CNTROB: variants seen among roughly 807,000 people sequenced by gnomAD.
The protein encoded by CNTROB is centrobin, centriole duplication and spindle assembly protein, also known as centrobin.
A neutral mutation model predicts 115.7 loss-of-function variants in CNTROB; 82 were observed. That is an observed-to-expected ratio of 0.71 (90% confidence interval 0.59 to 0.85). The LOEUF (loss-of-function observed/expected upper bound fraction) is 0.85. Among genes scored for constraint, CNTROB ranks in the 40% least tolerant of loss-of-function variants. The pLI, the probability that CNTROB is intolerant of heterozygous loss-of-function variation, is 0.00. For synonymous variants in CNTROB, 439 were observed against 456.4 expected (o/e 0.96, Z 0.49); for missense variants, 1,014 against 1,144.4 (o/e 0.89, Z 1.64).
At chr17:7,942,545 C>T (rs1314417807) in intron 9 of CNTROB, among the ~76,000 whole-genome samples, 4 of 134,840 alleles carry the variant, frequency 3.0e-5, no homozygotes, top group African/African-American at 8.4e-5. Context: ...TGCAGTGAGC[C>T]GAGATCGCGC....
At position 7,948,654 on chromosome 17, in the gene CNTROB, G is replaced by A. The variant is rs775258835; in HGVS notation, c.2513+35G>A. On this transcript the variant is annotated intron_variant, in intron 17 of 18. Coordinates refer to ENST00000563694, the MANE Select transcript of CNTROB (RefSeq NM_053051.5). The surrounding 1 kb of genome is among the most constrained non-coding windows in gnomAD (Gnocchi z 4.4). The stretch of plus-strand genomic sequence containing the variant: ...TGGGAGGAAGGAGGAAGGATTCTCC[G>A]GGTGGAAGCTGGATTATGGGGAGTG... 1.9e-5 allele frequency: 30 copies of A among 1,614,116 alleles called. No homozygotes were observed. Among genetic ancestry groups the A allele is most frequent in the African/African-American group, 4.0e-5 (3 of 75,010 alleles).
In CNTROB at chr17:7,940,221, G is replaced by A. The variant is rs756065380; in HGVS notation, c.1290G>A (p.Gln430=). The A allele has an allele frequency of 2.7e-5, 44 of 1,609,550 alleles. No homozygotes were observed. The Middle Eastern group carries it at 5.0e-4, about 18-fold the overall frequency. The change falls in exon 9 of 19, where the codon CAG becomes CAA. Residue 430 remains glutamine (Q), a synonymous_variant. Transcript: ENST00000563694. ...DTARRERDAL[Q]LEMSLVQARY... ...CTCGGAGAGAGAGAGATGCCCTGCA[G>A]CTGGAAATGAGCTTGGTGCAGGTCA...
intron 7 of CNTROB, among the ~76,000 whole-genome samples, chr17:7,938,668 C>T (rs754210702): frequency 1.3e-5 from 2 of 152,236 alleles, no homozygotes; most frequent in African/African-American, 2.4e-5. Flanking sequence ...CCTAAGAACA[C>T]ATAGTAAATT....
rs1441587617 is a variant in CNTROB, at chr17:7,939,689, G to T, written c.1104G>T (p.Gln368His). 2.5e-6 allele frequency: 4 copies of T among 1,614,124 alleles called. 1 individual carries two copies. The South Asian group carries it at 4.4e-5, about 18-fold the overall frequency. The change falls in exon 8 of 19, where the codon CAG (glutamine) becomes CAT (histidine). Residue 368 changes from glutamine to histidine, a missense_variant. Gln to His is a conservative substitution (Grantham distance 24, BLOSUM62 0). Transcript: ENST00000563694. The surrounding 1 kb of genome is among the most constrained non-coding windows in gnomAD (Gnocchi z 4.4). Reference protein sequence around the residue: ...ERQTWAQQEHQLKEHYQALQE... With the variant: ...ERQTWAQQEHHLKEHYQALQE... ...AGACCTGGGCCCAGCAAGAGCACCA[G>T]CTTAAGGAACACTACCAGGCGCTGC... is the stretch of plus-strand genomic sequence containing the variant.
At chr17:7,935,461 C>A (rs1258620328) in intron 4 of CNTROB, among the ~76,000 whole-genome samples, 1 of 151,474 alleles carries the variant, frequency 6.6e-6, no homozygotes, top group Middle Eastern at 3.4e-3. Flanking sequence ...GAGATCATGC[C>A]GCTGCACTCC....
At position 7,932,733 on chromosome 17, in the gene CNTROB, G is replaced by A; in HGVS notation, c.-347G>A. 1 of 249,930 alleles carries A rather than the reference G, an allele frequency of 4.0e-6. No individual in the cohort carries two copies. Among genetic ancestry groups the A allele is most frequent in the Non-Finnish European group, 7.6e-6 (1 of 131,094 alleles). 15.5% of individuals were successfully genotyped at this position (249,930 alleles called of 1,614,324 possible). A position where few individuals can be genotyped will look rare whatever the true frequency, so the allele number is the denominator to read the frequency against. ...CAGTTGACCGGGGATAGCCTGTGCC[G>A]GAGTTGATCTGCAGCTTCCAGCACT... On this transcript the variant is annotated 5_prime_UTR_variant, in exon 1 of 19. Coordinates refer to ENST00000563694, the MANE Select transcript of CNTROB (RefSeq NM_053051.5).
At position 7,947,785 on chromosome 17, in the gene CNTROB, C is replaced by T. The variant is rs1368341207; in HGVS notation, c.2145+63C>T. ...TTCCCTTTCTCCTTTCCTCTTTCTG[C>T]TCTGGGAATCCAGGACTCTGGCCTC... On this transcript the variant is annotated intron_variant, in intron 14 of 18. Coordinates refer to ENST00000563694, the MANE Select transcript of CNTROB (RefSeq NM_053051.5). 17 of 1,600,882 alleles carry T rather than the reference C, an allele frequency of 1.1e-5. No individual in the cohort carries two copies. In the East Asian group the frequency reaches 3.4e-4, roughly 32 times the overall value.
In CNTROB at chr17:7,944,338, A is replaced by G. The variant is rs1379210278; in HGVS notation, c.1571+90A>G. 1 of 1,552,230 alleles carries G rather than the reference A, an allele frequency of 6.4e-7. No homozygotes were observed. Among genetic ancestry groups the G allele is most frequent in the South Asian group, 1.1e-5 (1 of 89,524 alleles). On this transcript the variant is annotated intron_variant, in intron 11 of 18. Transcript: ENST00000563694. The surrounding 1 kb of genome is among the most constrained non-coding windows in gnomAD (Gnocchi z 4.0). The stretch of plus-strand genomic sequence containing the variant: ...GGAACGGTGAAGAGCTGCTCCCTTG[A>G]TTGATCTGTCCTCCTCTACATGGGC...
In CNTROB at chr17:7,935,147, T is replaced by A. The variant is rs749096785; in HGVS notation, c.594+2T>A. The A allele has an allele frequency of 1.2e-6, 2 of 1,613,872 alleles. No individual in the cohort carries two copies. Among genetic ancestry groups the A allele is most frequent in the Non-Finnish European group, 1.7e-6 (2 of 1,180,008 alleles). On this transcript the variant is annotated splice_donor_variant, in intron 4 of 18. Coordinates refer to ENST00000563694, the MANE Select transcript of CNTROB (RefSeq NM_053051.5). LOFTEE classifies it high-confidence loss of function. The stretch of plus-strand genomic sequence containing the variant: ...GATTCAGAGCATACCCGCCGCAAGG[T>A]AAGATGCAAACGCTTCCTTTCGAAA...
At chr17:7,940,371 A>G (rs1200279040) in intron 9 of CNTROB, 129 bp downstream of exon 9, 8 of 818,344 alleles carry the variant, frequency 9.8e-6, no homozygotes, top group Admixed American at 3.1e-5. Flanking sequence ...AACAGTTTCT[A>G]TGTAGTATGG....
In CNTROB at chr17:7,939,357, A is replaced by C. The variant is rs1206250138; in HGVS notation, c.928-156A>C. Among the ~76,000 whole-genome samples, 1 of 151,960 alleles carries C rather than the reference A, an allele frequency of 6.6e-6. No individual in the cohort carries two copies. Among genetic ancestry groups the C allele is most frequent in the Non-Finnish European group, 1.5e-5 (1 of 67,988 alleles). On this transcript the variant is annotated intron_variant, in intron 7 of 18. Transcript: ENST00000563694. The surrounding 1 kb of genome is among the most constrained non-coding windows in gnomAD (Gnocchi z 4.4). ...AATCTGCCTGCCTTGGCCTCCCAAA[A>C]TGCTGGGATTACAGGTGTGAGCCAC...
rs539728683 is a variant in CNTROB, at chr17:7,947,466, A to G, written c.1994-105A>G. On this transcript the variant is annotated intron_variant, in intron 13 of 18. Coordinates refer to ENST00000563694, the MANE Select transcript of CNTROB (RefSeq NM_053051.5). The stretch of plus-strand genomic sequence containing the variant: ...CTCTTAGCTGTGATGTTCCTCTTCC[A>G]TTTAATAGGCCCCTTTCTTCTGAGT... 4 of 1,130,750 alleles carry G rather than the reference A, an allele frequency of 3.5e-6. No individual in the cohort carries two copies. In the East Asian group the frequency reaches 1.0e-4, roughly 29 times the overall value. The allele number at this position is 1,130,750 out of a possible 1,614,324, so 70.0% of individuals were successfully genotyped here.
rs369696968 is a variant in CNTROB, at chr17:7,935,984, G to T, written c.595-382G>T. Reference sequence around the variant, plus strand: ...TTAAACCCCTTGGCATGAATGAAAGGCTTTCCCCTTTATCCTTGCTGTGTT... The same window carrying T: ...TTAAACCCCTTGGCATGAATGAAAGTCTTTCCCCTTTATCCTTGCTGTGTT... On this transcript the variant is annotated intron_variant, in intron 4 of 18. Transcript: ENST00000563694. 22 of 178,644 alleles carry T rather than the reference G, an allele frequency of 1.2e-4. 1 individual carries two copies. Among genetic ancestry groups the T allele is most frequent in the African/African-American group, 5.0e-4 (21 of 42,068 alleles). The allele number at this position is 178,644 out of a possible 1,614,324, so 11.1% of individuals were successfully genotyped here.
chr17:7,933,164 C>A lies in CNTROB; in HGVS notation c.85C>A (p.Gln29Lys). The change falls in exon 1 of 19, where the codon CAA becomes AAA. Residue 29 changes from glutamine to lysine, a missense_variant. By Grantham distance (53) the Gln-to-Lys change is moderately conservative. Transcript: ENST00000563694. ...SDSSEPPGLN[Q>K]VSSEVTSQLY... The stretch of plus-strand genomic sequence containing the variant: ...TTCATCAGAACCCCCTGGGCTCAAC[C>A]AAGTGTCGTCTGAAGTGACCTCCCA... 1 of 1,614,212 alleles carries A rather than the reference C, an allele frequency of 6.2e-7. No homozygotes were observed. Among genetic ancestry groups the A allele is most frequent in the Non-Finnish European group, 8.5e-7 (1 of 1,180,036 alleles).
chr17:7,938,373 G>A (rs1973456337), intron 7 of CNTROB, among the ~76,000 whole-genome samples: 1 of 151,526 alleles, frequency 6.6e-6, no homozygotes, highest in South Asian at 2.1e-4. Context: ...GCTGGGATTG[G>A]AACTTGTTGC....
In CNTROB at chr17:7,935,136, C is replaced by A. The variant is rs201534437; in HGVS notation, c.585C>A (p.Thr195=). 34 of 1,614,004 alleles carry A rather than the reference C, an allele frequency of 2.1e-5. No individual in the cohort carries two copies. Among genetic ancestry groups the A allele is most frequent in the Admixed American group, 1.7e-5 (1 of 60,002 alleles). The part of the protein sequence containing the change: ...GLRDALDSEH[T]RRKHCERHIQ... ...GAGATGCATTGGATTCAGAGCATACCCGCCGCAAGGTAAGATGCAAACGCT... is the reference window on the plus strand; with the variant it reads ...GAGATGCATTGGATTCAGAGCATACACGCCGCAAGGTAAGATGCAAACGCT... The change falls in exon 4 of 19, where the codon ACC becomes ACA. Residue 195 remains threonine, a synonymous_variant. Transcript: ENST00000563694.
Position 7,949,501 on chromosome 17 carries a change from C to G in CNTROB, c.2703C>G (p.Val901=). 1 of 1,612,558 alleles carries G rather than the reference C, an allele frequency of 6.2e-7. No homozygotes were observed. The highest frequency in any genetic ancestry group is 1.3e-5 in the African/African-American group (1 of 74,964). The part of the protein sequence containing the change: ...APSSMRSRGG[V]WR ...GTAGCATGAGGAGCCGGGGGGGAGT[C>G]TGGAGATGAGCCCCCCTACCCTCTC... The change falls in exon 19 of 19, where the codon GTC becomes GTG. Residue 901 remains valine (V), a synonymous_variant. Coordinates refer to ENST00000563694, the MANE Select transcript of CNTROB (RefSeq NM_053051.5).
rs769518030 is a variant in CNTROB, at chr17:7,939,622, G to A, written c.1037G>A (p.Arg346Gln). The A allele has an allele frequency of 1.5e-5, 25 of 1,613,854 alleles. No homozygotes were observed. The highest frequency in any genetic ancestry group is 1.1e-4 in the African/African-American group (8 of 74,838). Residue 346 changes from arginine (R) to glutamine (Q), a missense_variant, in exon 8 of 19, where the codon CGA becomes CAA. By Grantham distance (43) the Arg-to-Gln change is conservative (BLOSUM62 1). Transcript: ENST00000563694. This position sits in a 1 kb window ranked among gnomAD's most constrained non-coding sequence, Gnocchi z 4.4. ...CGGGCTGGGCAACTGAGTGAGCATC[G>A]AGAGTTGGAGACTCTTCGGGCTGCC... ...AARAGQLSEHRELETLRAALE... is the reference protein window; with the variant it reads ...AARAGQLSEHQELETLRAALE...
Position 7,932,816 on chromosome 17 carries a change from G to T in CNTROB, c.-264G>T, listed in dbSNP as rs557542588. ...TTGTCCCACAGTAGGTCTTCTGTCC[G>T]CACCCGCTCTGCGCTGCACCCTCTT... is the stretch of plus-strand genomic sequence containing the variant. On this transcript the variant is annotated 5_prime_UTR_variant, in exon 1 of 19. Coordinates refer to ENST00000563694, the MANE Select transcript of CNTROB (RefSeq NM_053051.5). 14 of 451,860 alleles carry T rather than the reference G, an allele frequency of 3.1e-5. No homozygotes were observed. In the Admixed American group the frequency reaches 4.1e-4, roughly 13 times the overall value. The allele number at this position is 451,860 out of a possible 1,614,324, so 28.0% of individuals were successfully genotyped here. A position where few individuals can be genotyped will look rare whatever the true frequency, so the allele number is the denominator to read the frequency against.
Sources: allele counts gnomAD v4.1 joint callset (sites outside exome capture counted in the v4.1 genomes callset), GRCh38; gene constraint gnomAD v4.1.1; non-coding constraint Gnocchi (gnomAD v3.1); transcripts MANE v1.5; gene names NCBI Gene and HGNC (gene_info 2026-07-23, HGNC 2026-07-21).